ZBTB7C: variants seen among roughly 807,000 people sequenced by gnomAD.
ZBTB7C encodes zinc finger and BTB domain containing 7C.
Under a neutral mutation model 25.7 loss-of-function variants are expected in ZBTB7C, and 8 were observed. The observed-to-expected ratio is 0.31, with a 90% CI of 0.18 to 0.56. The LOEUF (loss-of-function observed/expected upper bound fraction) is 0.56, where lower values mean the gene tolerates loss of function less well. ZBTB7C is among the 20% of genes least tolerant of loss of function. The probability of loss-of-function intolerance (pLI) is 0.91; values close to 1 mark genes in which losing one functional copy is unlikely to be tolerated. For synonymous variants in ZBTB7C, 394 were observed against 369.0 expected (o/e 1.07, Z -0.78); for missense variants, 824 against 855.2 (o/e 0.96, Z 0.46).
intron 2 of ZBTB7C, among the ~76,000 whole-genome samples, chr18:48,193,833 G>T (rs563604824): frequency 3.3e-5 from 5 of 152,350 alleles, no homozygotes; most frequent in African/African-American, 7.2e-5. Flanking sequence ...GACCCATCGT[G>T]GGGGTGCCTC....
intron 3 of ZBTB7C, among the ~76,000 whole-genome samples, chr18:48,060,823 G>A (rs1174277388): frequency 2.0e-5 from 3 of 152,170 alleles, no homozygotes; most frequent in African/African-American, 4.8e-5. Context: ...AAATAGCTCT[G>A]GGGTGTGAGG....
intron 3 of ZBTB7C, among the ~76,000 whole-genome samples, chr18:48,153,336 G>C (rs2144902318): frequency 6.6e-6 from 1 of 152,326 alleles, no homozygotes; most frequent in Admixed American, 6.5e-5. Context: ...TGAGGTACAA[G>C]GAAGTTTAGA....
chr18:48,284,744 T>TCGTA (rs2144653988), intron 2 of ZBTB7C, among the ~76,000 whole-genome samples: 1 of 138,658 alleles, frequency 7.2e-6, no homozygotes, highest in South Asian at 2.2e-4. Flanking sequence ...TGAGCCAAGA[T>TCGTA]CGTACCACAG....
intron 2 of ZBTB7C, among the ~76,000 whole-genome samples, chr18:48,257,812 A>G (rs2044062752): frequency 3.9e-5 from 6 of 152,192 alleles, no homozygotes. Context: ...GGATCATGCA[A>G]ATAGATGCAG....
At chr18:48,048,854 T>C (rs1171794246) in intron 3 of ZBTB7C, among the ~76,000 whole-genome samples, 2 of 152,168 alleles carry the variant, frequency 1.3e-5, no homozygotes, top group African/African-American at 4.8e-5. Context: ...CATACCTCCT[T>C]GTCTCAGGTA....
chr18:48,326,371 C>T (rs541561981), intron 2 of ZBTB7C, among the ~76,000 whole-genome samples: 9 of 152,288 alleles, frequency 5.9e-5, no homozygotes, highest in African/African-American at 2.2e-4. Flanking sequence ...GCTGGGATTA[C>T]AGGCGTGAGT....
chr18:48,054,324 G>T (rs2036824511), intron 3 of ZBTB7C, among the ~76,000 whole-genome samples: 1 of 152,190 alleles, frequency 6.6e-6, no homozygotes, highest in Non-Finnish European at 1.5e-5. Context: ...GACCCAGGAA[G>T]CCGCTCTGCA....
At chr18:48,048,021 G>C (rs4340387) in intron 3 of ZBTB7C, among the ~76,000 whole-genome samples, 31,085 of 152,114 alleles carry the variant, frequency 0.2, 3,470 homozygotes, top group South Asian at 0.28. Flanking sequence ...CTGCCCCCTG[G>C]GAAGTCCAAT....
intron 1 of ZBTB7C, among the ~76,000 whole-genome samples, chr18:48,406,083 G>C (rs2048274617): frequency 6.6e-6 from 1 of 152,108 alleles, no homozygotes. Flanking sequence ...CCCAGGAGGG[G>C]AGGATGGGTT....
chr18:48,329,428 C>A (rs1478411753), intron 2 of ZBTB7C, among the ~76,000 whole-genome samples: 2 of 152,146 alleles, frequency 1.3e-5, no homozygotes, highest in African/African-American at 4.8e-5. Context: ...TGCTGTTGCC[C>A]CCATGCCACA....
At chr18:48,375,170 A>AT (rs375626534) in intron 1 of ZBTB7C, among the ~76,000 whole-genome samples, 35 of 152,226 alleles carry the variant, frequency 2.3e-4, no homozygotes, top group African/African-American at 8.4e-4. Context: ...CACCCTACTT[A>AT]TAGTCTTTTG....
At chr18:48,115,833 C>G (rs1318692003) in intron 3 of ZBTB7C, among the ~76,000 whole-genome samples, 1 of 151,936 alleles carries the variant, frequency 6.6e-6, no homozygotes, top group Non-Finnish European at 1.5e-5. Flanking sequence ...GTGGTAAGAC[C>G]ATCAGGAAGA....
intron 1 of ZBTB7C, among the ~76,000 whole-genome samples, chr18:48,343,415 C>T (rs1366115736): frequency 6.6e-6 from 1 of 152,138 alleles, no homozygotes; most frequent in Non-Finnish European, 1.5e-5. Context: ...AATACCCACA[C>T]CCAAAGGCTG....
At chr18:48,139,092 G>T (rs2040261094) in intron 3 of ZBTB7C, among the ~76,000 whole-genome samples, 1 of 152,050 alleles carries the variant, frequency 6.6e-6, no homozygotes, top group Non-Finnish European at 1.5e-5. Context: ...AGGCTCACAG[G>T]GACAGGGCTA....
chr18:48,116,371 A>T (rs2039440888), intron 3 of ZBTB7C, among the ~76,000 whole-genome samples: 2 of 152,204 alleles, frequency 1.3e-5, no homozygotes. Context: ...TGCTCAATGA[A>T]TAGATGAATG....
chr18:48,176,183 G>A (rs995640433), intron 3 of ZBTB7C, among the ~76,000 whole-genome samples: 3 of 152,166 alleles, frequency 2.0e-5, no homozygotes, highest in African/African-American at 7.2e-5. Context: ...AGAACCAAGA[G>A]GGCTTATGCA....
intron 3 of ZBTB7C, among the ~76,000 whole-genome samples, chr18:48,065,686 G>C (rs1404898764): frequency 6.6e-6 from 1 of 152,194 alleles, no homozygotes; most frequent in African/African-American, 2.4e-5. Context: ...AGAGCCCTCT[G>C]GGATACAAGC....
intron 2 of ZBTB7C, among the ~76,000 whole-genome samples, chr18:48,220,417 T>G (rs1465474800): frequency 6.6e-6 from 1 of 152,046 alleles, no homozygotes; most frequent in African/African-American, 2.4e-5. Flanking sequence ...CCCCAACAGA[T>G]GCCAGGGGAG....
chr18:48,235,584 C>T (rs2043357938), intron 2 of ZBTB7C, among the ~76,000 whole-genome samples: 1 of 152,054 alleles, frequency 6.6e-6, no homozygotes, highest in Non-Finnish European at 1.5e-5. Context: ...CATCTTAGAT[C>T]CTCCTTCTGC....
Sources: gnomAD v4.1 joint callset for allele counts (sites outside exome capture counted in the v4.1 genomes callset) on GRCh38, gnomAD v4.1.1 for gene constraint, MANE v1.5 for transcripts, NCBI Gene and HGNC (gene_info 2026-07-23, HGNC 2026-07-21) for gene names.